CORIN: variants seen among roughly 807,000 people sequenced by gnomAD.
The protein encoded by CORIN is atrial natriuretic peptide-converting enzyme.
In CORIN, 117 loss-of-function variants were observed where a neutral mutation model predicts 125.3. That is an observed-to-expected ratio of 0.93 (90% CI 0.80 to 1.09). The LOEUF (loss-of-function observed/expected upper bound fraction) is 1.09. CORIN is among the 50% of genes least tolerant of loss of function. CORIN has a pLI of 0.00. For synonymous variants in CORIN, 450 were observed against 466.4 expected (o/e 0.96, Z 0.45); for missense variants, 1,253 against 1,306.7 (o/e 0.96, Z 0.63).
Position 47,707,131 on chromosome 4 carries a change from G to A in CORIN, c.800-14048C>T, listed in dbSNP as rs1726607986. 2.9e-6 allele frequency: 4 copies of A among 1,381,022 alleles called. No individual in the cohort carries two copies. In the Admixed American group the frequency reaches 8.8e-5, roughly 30 times the overall value. 85.5% of individuals were successfully genotyped at this position (1,381,022 alleles called of 1,614,324 possible). A position where few individuals can be genotyped will look rare whatever the true frequency, so the allele number is the denominator to read the frequency against. ...ATTAAGAAAGTTAAAGTGCAATAAT[G>A]TTTGAAGACAATAAGTGGTGGTGTA... On this transcript the variant is annotated intron_variant, in intron 5 of 21. Transcript: ENST00000273857.
At chr4:47,604,870 A>T (rs764365389) in intron 19 of CORIN, among the ~76,000 whole-genome samples, 2 of 152,200 alleles carry the variant, frequency 1.3e-5, no homozygotes, top group Non-Finnish European at 2.9e-5. Context: ...AAAAAATTAG[A>T]TCAATCCATC....
At chr4:47,778,128 C>G (rs550110120) in intron 3 of CORIN, among the ~76,000 whole-genome samples, 1 of 151,898 alleles carries the variant, frequency 6.6e-6, no homozygotes, top group Non-Finnish European at 1.5e-5. Flanking sequence ...TTTTTTCTCT[C>G]TGTGAATCAA....
chr4:47,620,237 A>G (rs1453000944), intron 19 of CORIN, among the ~76,000 whole-genome samples: 1 of 152,224 alleles, frequency 6.6e-6, no homozygotes, highest in Non-Finnish European at 1.5e-5. Context: ...AAACAAGAGT[A>G]CTAATAGGTG....
chr4:47,815,805 A>T (rs911558338), intron 1 of CORIN, among the ~76,000 whole-genome samples: 1 of 152,182 alleles, frequency 6.6e-6, no homozygotes, highest in Non-Finnish European at 1.5e-5. Flanking sequence ...ATTTATTGAT[A>T]AAAATGTTCT....
At chr4:47,743,107 AAACTGAATGTC>A (rs1251519896) in intron 5 of CORIN, among the ~76,000 whole-genome samples, 1 of 152,156 alleles carries the variant, frequency 6.6e-6, no homozygotes, top group Non-Finnish European at 1.5e-5. Context: ...AGTAGATGTA[AAACTGAATGTC>A]AAAACAATAA....
chr4:47,788,856 C>A (rs1436798095), intron 2 of CORIN, among the ~76,000 whole-genome samples: 2 of 151,856 alleles, frequency 1.3e-5, no homozygotes, highest in African/African-American at 4.8e-5. Flanking sequence ...CACGGTTGTA[C>A]CCTGGAGTAA....
At chr4:47,832,790 G>A (rs1733116445) in intron 1 of CORIN, among the ~76,000 whole-genome samples, 1 of 152,034 alleles carries the variant, frequency 6.6e-6, no homozygotes, top group Non-Finnish European at 1.5e-5. Flanking sequence ...GCAAAAGAAA[G>A]CTCTAGAACT....
intron 5 of CORIN, among the ~76,000 whole-genome samples, chr4:47,722,204 G>C (rs1194056737): frequency 6.6e-6 from 1 of 152,132 alleles, no homozygotes; most frequent in Non-Finnish European, 1.5e-5. Flanking sequence ...AGCCAGGTCT[G>C]CTTAATCCTA....
chr4:47,618,927 A>T (rs1366084252), intron 19 of CORIN, among the ~76,000 whole-genome samples: 1 of 152,106 alleles, frequency 6.6e-6, no homozygotes, highest in Non-Finnish European at 1.5e-5. Flanking sequence ...TGGATTGAAG[A>T]GCTGCTGTGA....
At chr4:47,709,430 C>T (rs542352720) in intron 5 of CORIN, among the ~76,000 whole-genome samples, 163 of 152,126 alleles carry the variant, frequency 1.1e-3, no homozygotes, top group African/African-American at 3.7e-3. Context: ...GTAGCTGGGA[C>T]GACAGGCACC....
At position 47,626,450 on chromosome 4, in the gene CORIN, C is replaced by A. The variant is rs776244469; in HGVS notation, c.2270G>T (p.Trp757Leu). The A allele has an allele frequency of 6.2e-7, 1 of 1,613,958 alleles. No individual in the cohort carries two copies. The highest frequency in any genetic ancestry group is 8.5e-7 in the Non-Finnish European group (1 of 1,179,860). The change falls in exon 17 of 22, where the codon TGG (tryptophan) becomes TTG (leucine). Residue 757 changes from tryptophan to leucine, a missense_variant. By Grantham distance (61) the Trp-to-Leu change is moderately conservative (BLOSUM62 -2). Coordinates refer to ENST00000273857, the MANE Select transcript of CORIN (RefSeq NM_006587.4). ...TAAAGTGGTCCCATTGAGGCTCTCC[C>A]AGTTGGAGTGTAATGTCAGCCACCG... ...EPRWLTLHSN[W>L]ESLNGTTLHE...
intron 5 of CORIN, among the ~76,000 whole-genome samples, chr4:47,717,074 A>G (rs1258420254): frequency 6.6e-6 from 1 of 152,158 alleles, no homozygotes; most frequent in East Asian, 1.9e-4. Context: ...AAAAATACCT[A>G]CCCTTGAACA....
intron 19 of CORIN, among the ~76,000 whole-genome samples, chr4:47,607,878 T>C (rs1187984464): frequency 6.7e-6 from 1 of 149,162 alleles, no homozygotes; most frequent in African/African-American, 2.5e-5. Context: ...ACCCTAGAGG[T>C]GGAGGTTGCA....
intron 3 of CORIN, 81 bp downstream of exon 3, chr4:47,786,644 A>G: frequency 9.4e-7 from 1 of 1,067,006 alleles, no homozygotes; most frequent in Admixed American, 2.0e-5. Flanking sequence ...GTGATTGTGA[A>G]CTAAAAGCAT....
At chr4:47,710,844 A>G (rs1337421354) in intron 5 of CORIN, among the ~76,000 whole-genome samples, 1 of 152,206 alleles carries the variant, frequency 6.6e-6, no homozygotes, top group Non-Finnish European at 1.5e-5. Context: ...CATCTAGTCT[A>G]TCCCCACTGC....
At chr4:47,613,309 C>T (rs550925347) in intron 19 of CORIN, among the ~76,000 whole-genome samples, 29 of 152,152 alleles carry the variant, frequency 1.9e-4, no homozygotes, top group Non-Finnish European at 3.7e-4. Context: ...AAAAATTAGC[C>T]GAGTGTGGTG....
At chr4:47,776,400 G>A (rs2109897544) in intron 3 of CORIN, among the ~76,000 whole-genome samples, 1 of 152,124 alleles carries the variant, frequency 6.6e-6, no homozygotes, top group East Asian at 1.9e-4. Flanking sequence ...GCTGCGTGTG[G>A]TATGAGCCAC....
rs944330227 is a variant in CORIN at position 47,790,961 on chromosome 4, A to T, written c.209-4036T>A. On this transcript the variant is annotated intron_variant, in intron 2 of 21. Transcript: ENST00000273857. ...AATAGTATATAATTCTAATAATAAT[A>T]ATAGTCAAACTTTACTGATTCCTTG... Among the ~76,000 whole-genome samples the T allele has an allele frequency of 2.0e-5, 3 of 152,172 alleles. No individual in the cohort carries two copies. In the South Asian group the frequency reaches 6.2e-4, roughly 32 times the overall value.
Position 47,642,081 on chromosome 4 carries a change from T to C in CORIN, c.2069-32A>G, listed in dbSNP as rs1177770560. 5 of 1,602,434 alleles carry C rather than the reference T, an allele frequency of 3.1e-6. No homozygotes were observed. The Admixed American group carries it at 6.7e-5, about 22-fold the overall frequency. On this transcript the variant is annotated intron_variant, in intron 15 of 21. Transcript: ENST00000273857. ...AAAGAAAAGACAAGGGAAACCCTAA[T>C]TAAAAACATTTCTTCCCATGAAAGC...
Sources: gnomAD v4.1 joint callset for allele counts (sites outside exome capture counted in the v4.1 genomes callset) on GRCh38, gnomAD v4.1.1 for gene constraint, MANE v1.5 for transcripts, NCBI Gene and HGNC (gene_info 2026-07-23, HGNC 2026-07-21) for gene names.